Variants in NLGN4X observed in about 807,000 individuals in gnomAD.
The protein encoded by NLGN4X is neuroligin 4 X-linked.
In NLGN4X, 3 loss-of-function variants were observed where a neutral mutation model predicts 40.3. The observed-to-expected ratio is 0.07, with a 90% CI of 0.03 to 0.19. The LOEUF is 0.19. Among genes scored for constraint, NLGN4X ranks in the 10% least tolerant of loss-of-function variants. The pLI is 1.00. For synonymous variants in NLGN4X, 270 were observed against 306.8 expected (o/e 0.88, Z 1.25); for missense variants, 382 against 708.3 (o/e 0.54, Z 5.23).
intron 3 of NLGN4X, among the ~76,000 whole-genome samples, chrX:6,002,430 A>T: frequency 8.9e-6 from 1 of 112,308 alleles, no homozygotes. Context: ...GTTCAGCTGG[A>T]ATTGTTTGAG....
At chrX:6,038,053 C>A (rs1434456107) in intron 2 of NLGN4X, among the ~76,000 whole-genome samples, 3 of 111,857 alleles carry the variant, frequency 2.7e-5, no homozygotes, top group Admixed American at 1.9e-4. Context: ...TAATGACACA[C>A]CCACACTGAA....
chrX:5,944,942 T>C (rs777024830), intron 3 of NLGN4X, among the ~76,000 whole-genome samples: 3 of 111,650 alleles, frequency 2.7e-5, no homozygotes, highest in Non-Finnish European at 5.6e-5. Flanking sequence ...AATAGTACTT[T>C]CATCACAGAA....
chrX:6,127,696 C>T (rs149818320), intron 2 of NLGN4X, among the ~76,000 whole-genome samples: 3,401 of 112,398 alleles, frequency 0.03, 145 homozygotes, highest in African/African-American at 0.1. Flanking sequence ...ATTCCCACCT[C>T]ATTTCATATA....
chrX:6,073,801 C>T (rs767383596), intron 2 of NLGN4X, among the ~76,000 whole-genome samples: 268 of 110,676 alleles, frequency 2.4e-3, no homozygotes, highest in African/African-American at 8.0e-3. Flanking sequence ...GAAAATGGTA[C>T]ATTTTATGTC....
intron 2 of NLGN4X, among the ~76,000 whole-genome samples, chrX:6,039,284 C>A (rs1281751239): frequency 9.0e-6 from 1 of 111,616 alleles, no homozygotes; most frequent in African/African-American, 3.3e-5. Flanking sequence ...AACAAAAGAT[C>A]TCATAGAGAA....
intron 2 of NLGN4X, among the ~76,000 whole-genome samples, chrX:6,147,407 A>G (rs1446355085): frequency 1.8e-5 from 2 of 111,623 alleles, no homozygotes; most frequent in Admixed American, 9.6e-5. Flanking sequence ...TCACTTCTAA[A>G]CAGTATCACT....
intron 2 of NLGN4X, among the ~76,000 whole-genome samples, chrX:6,045,367 C>T (rs2037291681): frequency 8.9e-6 from 1 of 112,154 alleles, no homozygotes; most frequent in Non-Finnish European, 1.9e-5. Context: ...AAACGCAGTT[C>T]AAAGGCCAAG....
At chrX:6,199,670 C>G (rs1168372126) in intron 1 of NLGN4X, among the ~76,000 whole-genome samples, 1 of 111,776 alleles carries the variant, frequency 8.9e-6, no homozygotes, top group Non-Finnish European at 1.9e-5. Context: ...TAGACTGCAT[C>G]ACTGTCAATC....
chrX:6,064,160 C>T (rs1238233279), intron 2 of NLGN4X, among the ~76,000 whole-genome samples: 1 of 111,258 alleles, frequency 9.0e-6, no homozygotes, highest in Non-Finnish European at 1.9e-5. Flanking sequence ...TGCCTATATC[C>T]CCTTAACTCC....
chrX:6,156,672 T>C (rs2040274237), intron 1 of NLGN4X, among the ~76,000 whole-genome samples: 1 of 110,697 alleles, frequency 9.0e-6, no homozygotes, highest in Admixed American at 9.7e-5. Flanking sequence ...TGGGTACTCA[T>C]GGACATAAAG....
chrX:5,928,377 G>T (rs2146853145), intron 3 of NLGN4X, among the ~76,000 whole-genome samples: 1 of 111,612 alleles, frequency 9.0e-6, no homozygotes, highest in Non-Finnish European at 1.9e-5. Flanking sequence ...CTGAATAAAT[G>T]AATACAAGTC....
At chrX:6,008,737 G>A (rs950153164) in intron 3 of NLGN4X, among the ~76,000 whole-genome samples, 28 of 111,563 alleles carry the variant, frequency 2.5e-4, no homozygotes, top group African/African-American at 8.8e-4. Flanking sequence ...ATAATTGAGT[G>A]GCCTTAAGAA....
chrX:6,084,457 G>A (rs1234790927), intron 2 of NLGN4X, among the ~76,000 whole-genome samples: 1 of 111,406 alleles, frequency 9.0e-6, no homozygotes, highest in Non-Finnish European at 1.9e-5. Context: ...GTGGAAAACT[G>A]TCCCAGATTC....
intron 3 of NLGN4X, among the ~76,000 whole-genome samples, chrX:5,986,298 C>G (rs1332339989): frequency 8.9e-6 from 1 of 111,986 alleles, no homozygotes; most frequent in Non-Finnish European, 1.9e-5. Flanking sequence ...ATGATTGGCA[C>G]AGAGGTAGAC....
intron 1 of NLGN4X, among the ~76,000 whole-genome samples, chrX:6,183,591 G>A (rs1004127162): frequency 1.8e-5 from 2 of 111,314 alleles, no homozygotes; most frequent in African/African-American, 6.5e-5. Flanking sequence ...TTCTTCCTGA[G>A]ACATAAGATC....
intron 2 of NLGN4X, among the ~76,000 whole-genome samples, chrX:6,139,677 T>A (rs1346388513): frequency 9.0e-6 from 1 of 111,699 alleles, no homozygotes; most frequent in African/African-American, 3.3e-5. Flanking sequence ...TTCCCTGAAA[T>A]CCTAAAGCAG....
At chrX:6,194,907 A>G (rs1239699649) in intron 1 of NLGN4X, among the ~76,000 whole-genome samples, 1 of 111,757 alleles carries the variant, frequency 8.9e-6, no homozygotes, top group Admixed American at 9.5e-5. Flanking sequence ...GACTCCAAAG[A>G]CCATGCATTT....
chrX:6,200,688 T>TTTTTTTTTTTTC (rs1923519311), intron 1 of NLGN4X, among the ~76,000 whole-genome samples: 1 of 34,786 alleles, frequency 2.9e-5, no homozygotes, highest in African/African-American at 1.6e-4. Context: ...TTTCCTTTTC[T>TTTTTTTTTTTTC]TTTTTTTTTT....
chrX:6,073,660 G>GT (rs2038122827), intron 2 of NLGN4X, among the ~76,000 whole-genome samples: 3 of 110,891 alleles, frequency 2.7e-5, no homozygotes, highest in Admixed American at 9.7e-5. Context: ...AGATGCCCAG[G>GT]ACACATTTAT....
Sources: gnomAD v4.1 joint callset for allele counts (sites outside exome capture counted in the v4.1 genomes callset) on GRCh38, gnomAD v4.1.1 for gene constraint, MANE v1.5 for transcripts, NCBI Gene and HGNC (gene_info 2026-07-23, HGNC 2026-07-21) for gene names.